HORMAD2: variants seen among roughly 807,000 people sequenced by gnomAD.
HORMAD2 encodes HORMA domain containing 2.
A neutral mutation model predicts 38.8 loss-of-function variants in HORMAD2; 45 were observed. The ratio of observed to expected loss-of-function variants is 1.16; its 90% CI spans 0.91 to 1.49. The LOEUF (loss-of-function observed/expected upper bound fraction) is 1.49, where lower values mean the gene tolerates loss of function less well. HORMAD2 is among the 40% of genes most tolerant of loss of function. The probability of loss-of-function intolerance (pLI) is 0.00; values close to 1 mark genes in which losing one functional copy is unlikely to be tolerated. For missense variants in HORMAD2, 338 were observed against 367.0 expected (o/e 0.92, Z 0.65); for synonymous variants, 126 against 122.8 (o/e 1.03, Z -0.17).
At chr22:30,109,031 T>C (rs1252240244) in intron 5 of HORMAD2, among the ~76,000 whole-genome samples, 1 of 150,468 alleles carries the variant, frequency 6.6e-6, no homozygotes, top group African/African-American at 2.4e-5. Context: ...TTCCTTCCTT[T>C]CTTCTTTTTT....
intron 10 of HORMAD2, among the ~76,000 whole-genome samples, chr22:30,151,562 T>C (rs1386973143): frequency 3.9e-5 from 6 of 152,160 alleles, no homozygotes; most frequent in African/African-American, 1.4e-4. Context: ...TTGAAGAATT[T>C]AAGTATAAAT....
At chr22:30,140,700 G>C (rs927977619) in intron 10 of HORMAD2, among the ~76,000 whole-genome samples, 1 of 152,056 alleles carries the variant, frequency 6.6e-6, no homozygotes, top group Admixed American at 6.6e-5. Context: ...CTAAAGGTTT[G>C]TCAATTTTGT....
intron 10 of HORMAD2, among the ~76,000 whole-genome samples, chr22:30,159,497 A>G (rs1159325470): frequency 6.6e-6 from 1 of 152,220 alleles, no homozygotes. Context: ...TTTATCTTTC[A>G]TAGGAAATAT....
chr22:30,086,247 T>C (rs1238246656), intron 1 of HORMAD2, among the ~76,000 whole-genome samples: 1 of 152,192 alleles, frequency 6.6e-6, no homozygotes, highest in Non-Finnish European at 1.5e-5. Context: ...CCAGCTATGC[T>C]TCCTGTGTAG....
intron 1 of HORMAD2, among the ~76,000 whole-genome samples, chr22:30,087,986 CAT>C (rs536048044): frequency 3.3e-5 from 5 of 150,672 alleles, no homozygotes; most frequent in African/African-American, 4.9e-5. Flanking sequence ...TATATATATA[CAT>C]ATATATATAC....
At chr22:30,160,962 A>G (rs941263203) in intron 10 of HORMAD2, among the ~76,000 whole-genome samples, 1 of 152,188 alleles carries the variant, frequency 6.6e-6, no homozygotes, top group African/African-American at 2.4e-5. Context: ...TGAACACTCA[A>G]CTACTTCACT....
intron 10 of HORMAD2, among the ~76,000 whole-genome samples, chr22:30,126,775 G>A (rs948584346): frequency 1.3e-5 from 2 of 152,128 alleles, no homozygotes; most frequent in African/African-American, 2.4e-5. Flanking sequence ...AGTTTCCAAA[G>A]TATTTGTGCC....
At chr22:30,106,685 G>T (rs1315699754) in intron 5 of HORMAD2, among the ~76,000 whole-genome samples, 1 of 152,172 alleles carries the variant, frequency 6.6e-6, no homozygotes, top group Non-Finnish European at 1.5e-5. Flanking sequence ...GAGTCAGATG[G>T]TCTGAAGAAT....
intron 10 of HORMAD2, among the ~76,000 whole-genome samples, chr22:30,123,663 T>C (rs1205292764): frequency 6.6e-6 from 1 of 151,138 alleles, no homozygotes; most frequent in Non-Finnish European, 1.5e-5. Flanking sequence ...ATTTATTTAT[T>C]TATTTATTTA....
intron 7 of HORMAD2, among the ~76,000 whole-genome samples, chr22:30,118,521 A>G (rs1380590306): frequency 1.3e-5 from 2 of 152,148 alleles, no homozygotes; most frequent in Non-Finnish European, 2.9e-5. Context: ...AGCTTATTTC[A>G]TTTGTTTACT....
intron 10 of HORMAD2, among the ~76,000 whole-genome samples, chr22:30,175,285 TATA>T (rs1004336139): frequency 7.0e-6 from 1 of 142,110 alleles, no homozygotes; most frequent in African/African-American, 2.6e-5. Flanking sequence ...TATAATATAA[TATA>T]GAATATATAT....
At chr22:30,094,905 C>A (rs925346481) in intron 2 of HORMAD2, among the ~76,000 whole-genome samples, 2 of 152,042 alleles carry the variant, frequency 1.3e-5, no homozygotes, top group African/African-American at 4.8e-5. Context: ...ATTGCACTGT[C>A]TTTTCCTATA....
intron 10 of HORMAD2, among the ~76,000 whole-genome samples, chr22:30,140,790 A>G (rs1569107775): frequency 6.6e-6 from 1 of 152,048 alleles, no homozygotes; most frequent in Non-Finnish European, 1.5e-5. Context: ...GTCTACACTA[A>G]TCTGTATTAT....
In HORMAD2 at chr22:30,104,517, G is replaced by T. The variant is rs1186901240; in HGVS notation, c.294+80G>T. 4.0e-6 allele frequency: 5 copies of T among 1,237,224 alleles called. No homozygotes were observed. In the African/African-American group the frequency reaches 7.6e-5, roughly 19 times the overall value. The allele number at this position is 1,237,224 out of a possible 1,614,324, so 76.6% of individuals were successfully genotyped here. A position where few individuals can be genotyped will look rare whatever the true frequency, so the allele number is the denominator to read the frequency against. On this transcript the variant is annotated intron_variant, in intron 5 of 10. Coordinates refer to ENST00000336726, the MANE Select transcript of HORMAD2 (RefSeq NM_152510.4). Reference sequence around the variant, plus strand: ...AAAAAAGAAATTAGACATTTATTTTGTTTTTGTGTTTAACAGTATAAGTGT... The same window carrying T: ...AAAAAAGAAATTAGACATTTATTTTTTTTTTGTGTTTAACAGTATAAGTGT...
chr22:30,100,780 A>G (rs1320656955), intron 3 of HORMAD2, among the ~76,000 whole-genome samples: 3 of 152,224 alleles, frequency 2.0e-5, no homozygotes, highest in Non-Finnish European at 4.4e-5. Context: ...AAGGATATGA[A>G]CAGACACTTC....
intron 8 of HORMAD2, among the ~76,000 whole-genome samples, chr22:30,119,304 T>A (rs1015795766): frequency 6.6e-6 from 1 of 152,214 alleles, no homozygotes; most frequent in Non-Finnish European, 1.5e-5. Flanking sequence ...CGCTATTGAT[T>A]GAATAACTCC....
chr22:30,167,773 C>A (rs922326671), intron 10 of HORMAD2, among the ~76,000 whole-genome samples: 6 of 152,156 alleles, frequency 3.9e-5, no homozygotes, highest in Admixed American at 6.5e-5. Flanking sequence ...ACGAAGAATT[C>A]TTATAGTCTC....
chr22:30,203,298 G>A, the HORMAD2 span, among the ~76,000 whole-genome samples: 1 of 151,642 alleles, frequency 6.6e-6, no homozygotes, highest in Non-Finnish European at 1.5e-5. Context: ...AGGAGGCTGA[G>A]GCATGAGAAT....
At position 30,106,051 on chromosome 22, in the gene HORMAD2, C is replaced by T. The variant is rs555871603; in HGVS notation, c.294+1614C>T. Among the ~76,000 whole-genome samples the T allele has an allele frequency of 2.0e-5, 3 of 152,188 alleles. No homozygotes were observed. The East Asian group carries it at 5.8e-4, about 29-fold the overall frequency. On this transcript the variant is annotated intron_variant, in intron 5 of 10. Coordinates refer to ENST00000336726, the MANE Select transcript of HORMAD2 (RefSeq NM_152510.4). ...TGTGTGGCAGAGTCTTACTCTGTTGCCCAGGCTGGAGTGCAGTGGCGCAAA... is the reference window on the plus strand; with the variant it reads ...TGTGTGGCAGAGTCTTACTCTGTTGTCCAGGCTGGAGTGCAGTGGCGCAAA...
Sources: allele counts gnomAD v4.1 joint callset (sites outside exome capture counted in the v4.1 genomes callset), GRCh38; gene constraint gnomAD v4.1.1; transcripts MANE v1.5; gene names NCBI Gene and HGNC (gene_info 2026-07-23, HGNC 2026-07-21).